Variants in CACNA1C observed in about 807,000 individuals in gnomAD.
CACNA1C encodes the protein voltage-dependent L-type calcium channel subunit alpha-1C.
In CACNA1C, 30 loss-of-function variants were observed where a neutral mutation model predicts 229.0. The observed-to-expected ratio is 0.13, with a 90% CI of 0.10 to 0.18. CACNA1C has a LOEUF of 0.18. Ranked by LOEUF, CACNA1C falls within the 10% of genes least tolerant of loss-of-function variation. The pLI, the probability that CACNA1C is intolerant of heterozygous loss-of-function variation, is 1.00. For synonymous variants in CACNA1C, 1,114 were observed against 1,132.5 expected (o/e 0.98, Z 0.33); for missense variants, 1,658 against 2,845.0 (o/e 0.58, Z 9.49).
chr12:2,294,501 T>G (rs2093827986), intron 3 of CACNA1C, among the ~76,000 whole-genome samples: 3 of 140,372 alleles, frequency 2.1e-5, no homozygotes, highest in East Asian at 2.1e-4. Context: ...CAGTGGAGAG[T>G]GAGGGGCGGG....
intron 42 of CACNA1C, chr12:2,680,369 C>T: frequency 6.4e-7 from 1 of 1,551,786 alleles, no homozygotes; most frequent in Admixed American, 1.9e-5. Context: ...CTAGGATGCA[C>T]TGCTGTGACA....
Position 2,566,519 on chromosome 12 carries a change from C to G in CACNA1C, c.1606C>G (p.Leu536Val). ...CTGGCTGGTGATTTTCCTGGTGTTC[C>G]TCAACACGCTCACCATTGCCTCTGA... ...FYWLVIFLVFLNTLTIASEHY... is the reference protein window; with the variant it reads ...FYWLVIFLVFVNTLTIASEHY... The change falls in exon 12 of 47, where the codon CTC becomes GTC. Residue 536 changes from leucine (L) to valine (V), a missense_variant. Around this residue, in one of 20 missense-constraint regions of CACNA1C, gnomAD observed 149 missense variants for 194.2 expected, o/e 0.77. Coordinates refer to ENST00000399655, the MANE Select transcript of CACNA1C (RefSeq NM_000719.7). This position sits in a 1 kb window ranked among gnomAD's most constrained non-coding sequence, Gnocchi z 4.0. The G allele has an allele frequency of 6.3e-7, 1 of 1,593,746 alleles. No homozygotes were observed. Among genetic ancestry groups the G allele is most frequent in the Non-Finnish European group, 8.5e-7 (1 of 1,170,360 alleles).
At chr12:2,670,654 A>G (rs1047390136) in intron 38 of CACNA1C, among the ~76,000 whole-genome samples, 2 of 152,066 alleles carry the variant, frequency 1.3e-5, no homozygotes, top group Admixed American at 6.5e-5. Flanking sequence ...AGGTCAGGAG[A>G]TTGAGACCAT....
chr12:2,049,356 T>G (rs1039789731), upstream of CACNA1C: 27 of 152,344 alleles, frequency 1.8e-4, no homozygotes, highest in African/African-American at 6.0e-4. Context: ...TTTATGTATG[T>G]GAGGCACTTA....
intron 3 of CACNA1C, among the ~76,000 whole-genome samples, chr12:2,280,185 TGTGCTTCGGTTTAACCTCTTGAGACC>T (rs1419614741): frequency 7.5e-6 from 1 of 133,162 alleles, no homozygotes; most frequent in African/African-American, 3.1e-5. Context: ...GATACTTTGC[TGTGCTTCGGTTTAACCTCTTGAGACC>T]TTGCTGTGCT....
intron 3 of CACNA1C, among the ~76,000 whole-genome samples, chr12:2,448,350 T>C (rs957825786): frequency 6.6e-6 from 1 of 152,224 alleles, no homozygotes; most frequent in African/African-American, 2.4e-5. Context: ...TCGACGTCTT[T>C]GGACAGAAGG....
chr12:2,355,697 TG>T (rs2097341349), intron 3 of CACNA1C, among the ~76,000 whole-genome samples: 1 of 152,184 alleles, frequency 6.6e-6, no homozygotes, highest in East Asian at 1.9e-4. Context: ...TGGCTTGCAA[TG>T]GGGGCGATTT....
At chr12:2,587,985 A>C (rs557403492) in intron 18 of CACNA1C, among the ~76,000 whole-genome samples, 1 of 152,124 alleles carries the variant, frequency 6.6e-6, no homozygotes, top group Non-Finnish European at 1.5e-5. Context: ...CATGCTCTTA[A>C]AGCTGGTGGC....
intron 1 of CACNA1C, among the ~76,000 whole-genome samples, chr12:2,100,344 G>T (rs1367286126): frequency 6.6e-6 from 1 of 151,560 alleles, no homozygotes; most frequent in Non-Finnish European, 1.5e-5. Flanking sequence ...TACTTGGGAG[G>T]CTGAGGAAGG....
Position 2,315,736 on chromosome 12 carries a change from C to A in CACNA1C, c.478-133240C>A, listed in dbSNP as rs932421658. Among the ~76,000 whole-genome samples, 3 of 152,122 alleles carry A rather than the reference C, an allele frequency of 2.0e-5. No individual in the cohort carries two copies. The East Asian group carries it at 5.8e-4, about 29-fold the overall frequency. On this transcript the variant is annotated intron_variant, in intron 3 of 46. Transcript: ENST00000399655. ...TAAGTTCTAGGCACTATTTTAGGTG[C>A]GTGTGTACAATTTCCGGAGCAAATG... is the stretch of plus-strand genomic sequence containing the variant.
intron 3 of CACNA1C, among the ~76,000 whole-genome samples, chr12:2,205,714 T>C (rs924246802): frequency 5.3e-5 from 8 of 152,118 alleles, no homozygotes; most frequent in East Asian, 1.9e-4. Flanking sequence ...CTTAGTTTGC[T>C]CAGGCTCCTA....
chr12:2,421,929 C>G (rs568345435), intron 3 of CACNA1C, among the ~76,000 whole-genome samples: 1 of 151,728 alleles, frequency 6.6e-6, no homozygotes, highest in Non-Finnish European at 1.5e-5. Context: ...AAAAAAGCAT[C>G]GCAATTCTCT....
At position 2,228,511 on chromosome 12, in the gene CACNA1C, A is replaced by T. The variant is rs539146608; in HGVS notation, c.477+108081A>T. ...AGTGGCAATGACAAAACAGCATAGG[A>T]GTTAAGCCTGAGTTTTCGTTCTCCT... On this transcript the variant is annotated intron_variant, in intron 3 of 46. Coordinates refer to ENST00000399655, the MANE Select transcript of CACNA1C (RefSeq NM_000719.7). Among the ~76,000 whole-genome samples the T allele has an allele frequency of 5.9e-5, 9 of 152,298 alleles. No individual in the cohort carries two copies. In the South Asian group the frequency reaches 1.5e-3, roughly 25 times the overall value.
intron 3 of CACNA1C, among the ~76,000 whole-genome samples, chr12:2,383,470 G>A (rs765738897): frequency 7.9e-5 from 12 of 152,130 alleles, no homozygotes; most frequent in Non-Finnish European, 1.2e-4. Flanking sequence ...CTTCATGTCC[G>A]GTTGAGCGAG....
At position 2,240,754 on chromosome 12, in the gene CACNA1C, G is replaced by A. The variant is rs952382849; in HGVS notation, c.477+120324G>A. 3.3e-5 allele frequency among the ~76,000 whole-genome samples: 5 copies of A among 152,036 alleles called. No individual in the cohort carries two copies. The East Asian group carries it at 5.9e-4, about 18-fold the overall frequency. On this transcript the variant is annotated intron_variant, in intron 3 of 46. Coordinates refer to ENST00000399655, the MANE Select transcript of CACNA1C (RefSeq NM_000719.7). ...TTAGCACATGGTTAGGTGGGCACGC[G>A]TGGCCTCCTCTTCCACCTCTCTTTT...
chr12:2,308,716 T>C (rs2095246089), intron 3 of CACNA1C, among the ~76,000 whole-genome samples: 1 of 152,224 alleles, frequency 6.6e-6, no homozygotes, highest in Non-Finnish European at 1.5e-5. Context: ...GACATTTTTC[T>C]AAAGAAGACA....
intron 3 of CACNA1C, among the ~76,000 whole-genome samples, chr12:2,123,228 T>A (rs2087806633): frequency 6.6e-6 from 1 of 151,698 alleles, no homozygotes; most frequent in Non-Finnish European, 1.5e-5. Flanking sequence ...TACAAAAAAT[T>A]AGCCAGGCGT....
intron 30 of CACNA1C, among the ~76,000 whole-genome samples, chr12:2,648,025 C>A (rs2094526365): frequency 6.6e-6 from 1 of 152,080 alleles, no homozygotes; most frequent in Non-Finnish European, 1.5e-5. Flanking sequence ...ATAGTCCTAA[C>A]TACTAGGGAG....
At chr12:2,431,165 A>C (rs747799621) in intron 3 of CACNA1C, among the ~76,000 whole-genome samples, 4 of 152,178 alleles carry the variant, frequency 2.6e-5, no homozygotes, top group Non-Finnish European at 4.4e-5. Context: ...CCTTGTTAGA[A>C]GTCAAGATCC....
Sources: allele counts gnomAD v4.1 joint callset (sites outside exome capture counted in the v4.1 genomes callset), GRCh38; gene constraint gnomAD v4.1.1; regional missense constraint gnomAD v4.1.1; non-coding constraint Gnocchi (gnomAD v3.1); transcripts MANE v1.5; gene names NCBI Gene and HGNC (gene_info 2026-07-23, HGNC 2026-07-21).